GRHPR: variants seen among roughly 807,000 people sequenced by gnomAD.
The protein encoded by GRHPR is glyoxylate and hydroxypyruvate reductase.
A neutral mutation model predicts 36.8 loss-of-function variants in GRHPR; 35 were observed. That is an observed-to-expected ratio of 0.95 (90% confidence interval 0.73 to 1.26). The LOEUF is 1.26. GRHPR is among the 50% of genes most tolerant of loss of function. The pLI, the probability that GRHPR is intolerant of heterozygous loss-of-function variation, is 0.00. For synonymous variants in GRHPR, 179 were observed against 181.0 expected, an observed-to-expected ratio of 0.99 and a Z score of 0.09; for missense variants, 380 against 435.0, an observed-to-expected ratio of 0.87 and a Z score of 1.12.
In GRHPR at chr9:37,422,831, A is replaced by C. The variant is rs2118849405; in HGVS notation, c.81A>C (p.Ala27=). Residue 27 remains alanine (A), a splice_region_variant and synonymous_variant, in exon 1 of 9, where the codon GCA becomes GCC. Transcript: ENST00000318158. The part of the protein sequence containing the change: ...AEGRVALARA[A]DCEVEQWDSD... ...GTAGGGTCGCGCTCGCCCGGGCGGC[A>C]GAGTAAGAGCCTCGCGCGCCGTGGA... 1 of 1,592,848 alleles carries C rather than the reference A, an allele frequency of 6.3e-7. No homozygotes were observed. Among genetic ancestry groups the C allele is most frequent in the Non-Finnish European group, 8.5e-7 (1 of 1,170,830 alleles).
intron 7 of GRHPR, 143 bp from the exon 8 acceptor site, chr9:37,431,865 A>T: frequency 2.5e-6 from 2 of 813,314 alleles, no homozygotes; most frequent in Non-Finnish European, 4.1e-6. Flanking sequence ...ACTTACAGAC[A>T]TACTGTAAGT....
Position 37,422,824 on chromosome 9 carries a change from G to T in GRHPR, c.74G>T (p.Arg25Leu). 1 of 1,596,410 alleles carries T rather than the reference G, an allele frequency of 6.3e-7. No individual in the cohort carries two copies. ...GCCGAGGGTAGGGTCGCGCTCGCCC[G>T]GGCGGCAGAGTAAGAGCCTCGCGCG... The part of the protein sequence containing the change: ...IPAEGRVALA[R>L]AADCEVEQWD... The change falls in exon 1 of 9, where the codon CGG becomes CTG. Residue 25 changes from arginine to leucine, a missense_variant. Arg to Leu is a moderately radical substitution (Grantham distance 102). Coordinates refer to ENST00000318158, the MANE Select transcript of GRHPR (RefSeq NM_012203.2).
At chr9:37,430,111 G>C in intron 6 of GRHPR, 1 of 548,256 alleles carries the variant, frequency 1.8e-6, no homozygotes. Context: ...GGAGCAGCGG[G>C]GATGGTGGTG....
At chr9:37,439,070 GA>G (rs1281622370), downstream of GRHPR, 2 of 152,202 alleles carry the variant, frequency 1.3e-5, no homozygotes, top group Non-Finnish European at 2.9e-5. Flanking sequence ...GTATGTCTAA[GA>G]AAGCTATATA....
Position 37,425,948 on chromosome 9 carries a change from A to G in GRHPR, c.241A>G (p.Met81Val), listed in dbSNP as rs1823056025. ...AGANLKVIST[M>V]SVGIDHLALD... ...GGCCAATCTCAAAGTCATCAGCACCATGTCTGTGGGCATCGACCACTTGGC... is the reference window on the plus strand; with the variant it reads ...GGCCAATCTCAAAGTCATCAGCACCGTGTCTGTGGGCATCGACCACTTGGC... The change falls in exon 3 of 9, where the codon ATG becomes GTG. Residue 81 changes from methionine to valine, a missense_variant. Physicochemically the swap from Met to Val is conservative, Grantham distance 21. Coordinates refer to ENST00000318158, the MANE Select transcript of GRHPR (RefSeq NM_012203.2). 1.9e-6 allele frequency: 3 copies of G among 1,613,668 alleles called. No homozygotes were observed. In the South Asian group the frequency reaches 3.3e-5, roughly 18 times the overall value.
chr9:37,437,658 C>T (rs1466703248), downstream of GRHPR, among the ~76,000 whole-genome samples: 2 of 149,394 alleles, frequency 1.3e-5, no homozygotes, highest in Non-Finnish European at 3.0e-5. Flanking sequence ...CCATTCTGTC[C>T]CCCCAGCCCC....
At chr9:37,430,034 C>T (rs532022559) in intron 6 of GRHPR, 198 bp downstream of exon 6, 13 of 635,712 alleles carry the variant, frequency 2.0e-5, no homozygotes, top group East Asian at 5.6e-5. Flanking sequence ...AGGTCCTCTC[C>T]GAGCCAGCAG....
rs770382977 is a variant in GRHPR, at chr9:37,426,534, G to A, written c.288-4G>A. On this transcript the variant is annotated splice_polypyrimidine_tract_variant and splice_region_variant and intron_variant, in intron 3 of 8. Coordinates refer to ENST00000318158, the MANE Select transcript of GRHPR (RefSeq NM_012203.2). The stretch of plus-strand genomic sequence containing the variant: ...GATGTTACCACCAGATGTCTGATTC[G>A]TAGTGGGATCCGAGTTGGCTACACC... The A allele has an allele frequency of 2.0e-5, 32 of 1,576,338 alleles. No individual in the cohort carries two copies. Among genetic ancestry groups the A allele is most frequent in the Admixed American group, 3.3e-5 (2 of 59,954 alleles).
chr9:37,425,642 C>T (rs1377615203), intron 2 of GRHPR, among the ~76,000 whole-genome samples: 1 of 152,200 alleles, frequency 6.6e-6, no homozygotes, highest in Non-Finnish European at 1.5e-5. Flanking sequence ...CCGGAGGCCT[C>T]GCTGGGTGGA....
intron 1 of GRHPR, 105 bp from the exon 2 acceptor site, chr9:37,424,740 G>T: frequency 7.3e-7 from 1 of 1,376,154 alleles, no homozygotes; most frequent in Non-Finnish European, 1.0e-6. Context: ...AGCCAGCCCC[G>T]GGCAGCCTGA....
downstream of GRHPR, chr9:37,438,215 G>A (rs956467830): frequency 1.3e-5 from 2 of 152,570 alleles, no homozygotes; most frequent in African/African-American, 4.8e-5. Context: ...TTTATGATCT[G>A]TTCACCAGAA....
At chr9:37,422,873 T>C in intron 1 of GRHPR, 40 bp downstream of exon 1, 1 of 1,451,694 alleles carries the variant, frequency 6.9e-7, no homozygotes, top group South Asian at 1.2e-5. Context: ...AGCAGGGCGG[T>C]CCCAGGGACC....
intron 8 of GRHPR, among the ~76,000 whole-genome samples, chr9:37,436,420 A>G (rs986017320): frequency 6.6e-6 from 1 of 152,146 alleles, no homozygotes; most frequent in Non-Finnish European, 1.5e-5. Flanking sequence ...CTAGAATACA[A>G]ATCTTTCATC....
rs757742646 is a variant in GRHPR at position 37,432,004 on chromosome 9, C to T, written c.735-4C>T. The T allele has an allele frequency of 2.5e-6, 4 of 1,613,864 alleles. No homozygotes were observed. The highest frequency in any genetic ancestry group is 3.4e-6 in the Non-Finnish European group (4 of 1,179,894). On this transcript the variant is annotated splice_region_variant and splice_polypyrimidine_tract_variant and intron_variant, in intron 7 of 8. Coordinates refer to ENST00000318158, the MANE Select transcript of GRHPR (RefSeq NM_012203.2). ...GGTACCCATGTCACCACTGTCATTCCCAGGGGCGACGTCGTAAACCAGGAC... is the reference window on the plus strand; with the variant it reads ...GGTACCCATGTCACCACTGTCATTCTCAGGGGCGACGTCGTAAACCAGGAC...
At chr9:37,426,779 C>T (rs753524063) in intron 4 of GRHPR, 125 bp downstream of exon 4, 75 of 658,790 alleles carry the variant, frequency 1.1e-4, no homozygotes, top group Non-Finnish European at 1.8e-4. Context: ...GAAACCCCGT[C>T]TCTAGTAAAA....
intron 7 of GRHPR, 148 bp downstream of exon 7, chr9:37,430,794 G>A (rs572010687): frequency 3.9e-6 from 3 of 771,150 alleles, no homozygotes; most frequent in Admixed American, 2.0e-5. Flanking sequence ...TCAGAAATTC[G>A]TGGGAATACA....
chr9:37,428,017 G>C (rs951542340), intron 4 of GRHPR: 3 of 284,366 alleles, frequency 1.1e-5, no homozygotes, highest in African/African-American at 6.5e-5. Flanking sequence ...TGTCCTGTCT[G>C]GGGAGTCATC....
chr9:37,429,999 A>G, intron 6 of GRHPR, 163 bp downstream of exon 6: 1 of 679,650 alleles, frequency 1.5e-6, no homozygotes. Context: ...ACACTGGCCC[A>G]CTCAGGGAGC....
upstream of GRHPR, chr9:37,422,565 C>A: frequency 1.6e-6 from 1 of 642,200 alleles, no homozygotes; most frequent in Non-Finnish European, 2.8e-6. Flanking sequence ...CTGTTACTGT[C>A]ACTCCCCGAG....
Sources: allele counts gnomAD v4.1 joint callset (sites outside exome capture counted in the v4.1 genomes callset), GRCh38; gene constraint gnomAD v4.1.1; transcripts MANE v1.5; gene names NCBI Gene and HGNC (gene_info 2026-07-23, HGNC 2026-07-21).